HS3ST1: variants seen among roughly 807,000 people sequenced by gnomAD.
HS3ST1 encodes the protein heparan sulfate glucosamine 3-O-sulfotransferase 1.
Under a neutral mutation model 20.7 loss-of-function variants are expected in HS3ST1, and 8 were observed. That is an observed-to-expected ratio of 0.39 (90% CI 0.23 to 0.70). The LOEUF (loss-of-function observed/expected upper bound fraction) is 0.70. HS3ST1 is among the 30% of genes least tolerant of loss of function. The pLI, the probability that HS3ST1 is intolerant of heterozygous loss-of-function variation, is 0.46. For missense variants in HS3ST1, 436 were observed against 423.4 expected (o/e 1.03, Z -0.26); for synonymous variants, 205 against 190.4 (o/e 1.08, Z -0.63).
intron 1 of HS3ST1, among the ~76,000 whole-genome samples, chr4:11,418,408 A>C (rs1718841569): frequency 6.6e-6 from 1 of 152,234 alleles, no homozygotes; most frequent in Admixed American, 6.5e-5. Flanking sequence ...TCACAACAAA[A>C]GTCCATAAGG....
intron 1 of HS3ST1, among the ~76,000 whole-genome samples, chr4:11,401,795 T>G (rs1718334224): frequency 6.6e-6 from 1 of 152,210 alleles, no homozygotes; most frequent in African/African-American, 2.4e-5. Flanking sequence ...CTTTACCTAT[T>G]TAAGATTTAT....
rs762850723 is a variant in HS3ST1, at chr4:11,395,009, T to A, written c.*4073A>T. The A allele has an allele frequency of 6.6e-6, 1 of 152,204 alleles. No individual in the cohort carries two copies. Among genetic ancestry groups the A allele is most frequent in the Non-Finnish European group, 1.5e-5 (1 of 68,044 alleles). The allele number at this position is 152,204 out of a possible 1,614,324, so 9.4% of individuals were successfully genotyped here. A position where few individuals can be genotyped will look rare whatever the true frequency, so the allele number is the denominator to read the frequency against. ...CCAACACTCCAGCCTTGGAAAGCAG[T>A]AGCTTCTCATTGAGTTTAACACATT... On this transcript the variant is annotated 3_prime_UTR_variant, in exon 2 of 2. Transcript: ENST00000002596.
Position 11,399,712 on chromosome 4 carries a change from G to A in HS3ST1, c.294C>T (p.His98=), listed in dbSNP as rs1392468381. 3.1e-6 allele frequency: 5 copies of A among 1,613,802 alleles called. No homozygotes were observed. Among genetic ancestry groups the A allele is most frequent in the African/African-American group, 1.3e-5 (1 of 74,946 alleles). Reference sequence around the variant, plus strand: ...TCTGGCTGAGGTACCAGCCCAAGCCGTGGCTGTAATGCTCCTCCCAGTCGA... The same window carrying A: ...TCTGGCTGAGGTACCAGCCCAAGCCATGGCTGTAATGCTCCTCCCAGTCGA... ...HFFDWEEHYS[H]GLGWYLSQMP... Residue 98 remains histidine (H), a synonymous_variant, in exon 2 of 2, where the codon CAC becomes CAT. Transcript: ENST00000002596. The surrounding 1 kb of genome is among the most constrained non-coding windows in gnomAD (Gnocchi z 5.1).
chr4:11,405,460 G>A (rs766615118), intron 1 of HS3ST1, among the ~76,000 whole-genome samples: 8 of 152,146 alleles, frequency 5.3e-5, no homozygotes, highest in Non-Finnish European at 1.0e-4. Context: ...TCCTTTCCAA[G>A]GAGGCCTTTC....
chr4:11,433,870 T>C (rs576943989), upstream of HS3ST1, among the ~76,000 whole-genome samples: 201 of 152,368 alleles, frequency 1.3e-3, 1 homozygote, highest in Non-Finnish European at 2.1e-4. Context: ...ATCATTCTCA[T>C]GAGTCCCTAG....
chr4:11,425,684 T>G (rs1228939352), intron 1 of HS3ST1, among the ~76,000 whole-genome samples: 1 of 152,198 alleles, frequency 6.6e-6, no homozygotes, highest in Non-Finnish European at 1.5e-5. Context: ...TTTTTGTATT[T>G]TTTACCCTTT....
chr4:11,397,513 C>T lies in HS3ST1; in HGVS notation c.*1569G>A, dbSNP rs1468764506. The T allele has an allele frequency of 6.6e-6, 1 of 152,252 alleles. No homozygotes were observed. Among genetic ancestry groups the T allele is most frequent in the Non-Finnish European group, 1.5e-5 (1 of 68,060 alleles). The allele number at this position is 152,252 out of a possible 1,614,324, so 9.4% of individuals were successfully genotyped here. On this transcript the variant is annotated 3_prime_UTR_variant, in exon 2 of 2. Transcript: ENST00000002596. Reference sequence around the variant, plus strand: ...AGGTCAGGAAGAACTGGCTCTGAGTCTGGGCTTTTCCTTTTGAGTTCAGAA... The same window carrying T: ...AGGTCAGGAAGAACTGGCTCTGAGTTTGGGCTTTTCCTTTTGAGTTCAGAA...
At chr4:11,419,270 G>A (rs1718863445) in intron 1 of HS3ST1, among the ~76,000 whole-genome samples, 1 of 151,726 alleles carries the variant, frequency 6.6e-6, no homozygotes, top group Non-Finnish European at 1.5e-5. Context: ...GCATCTCATT[G>A]GTTGGCCTAG....
chr4:11,434,148 C>T (rs1446111899), upstream of HS3ST1, among the ~76,000 whole-genome samples: 1 of 152,208 alleles, frequency 6.6e-6, no homozygotes, highest in Non-Finnish European at 1.5e-5. Flanking sequence ...GTAGAGTTCT[C>T]TTTCCATAGA....
Position 11,397,997 on chromosome 4 carries a change from C to G in HS3ST1, c.*1085G>C, listed in dbSNP as rs1413855739. The G allele has an allele frequency of 6.6e-6, 1 of 152,204 alleles. No homozygotes were observed. Among genetic ancestry groups the G allele is most frequent in the African/African-American group, 2.4e-5 (1 of 41,442 alleles). The allele number at this position is 152,204 out of a possible 1,614,324, so 9.4% of individuals were successfully genotyped here. On this transcript the variant is annotated 3_prime_UTR_variant, in exon 2 of 2. Coordinates refer to ENST00000002596, the MANE Select transcript of HS3ST1 (RefSeq NM_005114.4). ...GTAAAACTGAACTCCAGCCACTCCT[C>G]TGGGGGCAGGTACAGTGGTTCTCTT...
At chr4:11,429,643 C>CTTTTGTTTTT (rs1719163734), upstream of HS3ST1, 1 of 47,232 alleles carries the variant, frequency 2.1e-5, no homozygotes, top group East Asian at 9.6e-4. Context: ...GAAAATTCAG[C>CTTTTGTTTTT]TTTTTTTTTT....
Position 11,394,346 on chromosome 4 carries a change from C to T in HS3ST1, c.*4736G>A, listed in dbSNP as rs1002870034. The T allele has an allele frequency of 2.6e-5, 4 of 152,202 alleles. No individual in the cohort carries two copies. Among genetic ancestry groups the T allele is most frequent in the Non-Finnish European group, 4.4e-5 (3 of 68,042 alleles). The allele number at this position is 152,202 out of a possible 1,614,324, so 9.4% of individuals were successfully genotyped here. A position where few individuals can be genotyped will look rare whatever the true frequency, so the allele number is the denominator to read the frequency against. ...GGGCAAAATAGAGTAAAGGTCTTGA[C>T]ATCAGGGATAACTAAAGCACCAAGG... On this transcript the variant is annotated 3_prime_UTR_variant, in exon 2 of 2. Coordinates refer to ENST00000002596, the MANE Select transcript of HS3ST1 (RefSeq NM_005114.4).
At position 11,399,355 on chromosome 4, in the gene HS3ST1, G is replaced by A. The variant is rs779311145; in HGVS notation, c.651C>T (p.Gly217=). The A allele has an allele frequency of 5.6e-6, 9 of 1,613,812 alleles. No homozygotes were observed. The highest frequency in any genetic ancestry group is 2.2e-5 in the East Asian group (1 of 44,894). ...GGAAGGGGTCCCTGATGAGGCGGTC[G>A]CCGTCCACAATGTGGATGTGGCGCA... The part of the protein sequence containing the change: ...FPLRHIHIVD[G]DRLIRDPFPE... Residue 217 remains glycine, a synonymous_variant, in exon 2 of 2, where the codon GGC becomes GGT. Coordinates refer to ENST00000002596, the MANE Select transcript of HS3ST1 (RefSeq NM_005114.4). The surrounding 1 kb of genome is among the most constrained non-coding windows in gnomAD (Gnocchi z 5.1).
intron 1 of HS3ST1, among the ~76,000 whole-genome samples, chr4:11,419,075 G>C (rs1718858970): frequency 6.6e-6 from 1 of 151,754 alleles, no homozygotes; most frequent in Admixed American, 6.6e-5. Context: ...AACATCACTG[G>C]ACTTCTATGC....
intron 1 of HS3ST1, among the ~76,000 whole-genome samples, chr4:11,420,044 T>G (rs1577447144): frequency 6.6e-6 from 1 of 152,230 alleles, no homozygotes; most frequent in Non-Finnish European, 1.5e-5. Context: ...CTCTGGCTGG[T>G]TAAGCCTTCA....
chr4:11,429,971 A>G (rs1017110576), upstream of HS3ST1, among the ~76,000 whole-genome samples: 1 of 152,036 alleles, frequency 6.6e-6, no homozygotes, highest in South Asian at 2.1e-4. Context: ...TGTAGTTTCC[A>G]TGTCTTCCAC....
At chr4:11,419,505 T>C (rs1718870651) in intron 1 of HS3ST1, among the ~76,000 whole-genome samples, 2 of 152,056 alleles carry the variant, frequency 1.3e-5, no homozygotes, top group Admixed American at 1.3e-4. Flanking sequence ...AGGAGAGCAT[T>C]ATGACAAATA....
chr4:11,425,037 T>G (rs1431824119), intron 1 of HS3ST1, among the ~76,000 whole-genome samples: 1 of 152,196 alleles, frequency 6.6e-6, no homozygotes, highest in Non-Finnish European at 1.5e-5. Context: ...CCTTTGTACC[T>G]TTAGAAAATT....
chr4:11,433,049 T>C (rs1054394979), upstream of HS3ST1, among the ~76,000 whole-genome samples: 1 of 152,246 alleles, frequency 6.6e-6, no homozygotes, highest in Admixed American at 6.5e-5. Context: ...ACTTTTATGA[T>C]GTTTTCCTTT....
Sources: gnomAD v4.1 joint callset for allele counts (sites outside exome capture counted in the v4.1 genomes callset) on GRCh38, gnomAD v4.1.1 for gene constraint, Gnocchi (gnomAD v3.1) non-coding constraint, MANE v1.5 for transcripts, NCBI Gene and HGNC (gene_info 2026-07-23, HGNC 2026-07-21) for gene names.